RCAN2: variants seen among roughly 807,000 people sequenced by gnomAD.
RCAN2 encodes regulator of calcineurin 2.
RCAN2 carries 9 observed loss-of-function variants against 23.6 expected under a neutral mutation model. The observed-to-expected ratio is 0.38, with a 90% confidence interval of 0.23 to 0.67. The LOEUF is 0.67. Among genes scored for constraint, RCAN2 ranks in the 30% least tolerant of loss-of-function variants. The pLI is 0.51. For synonymous variants in RCAN2, 109 were observed against 115.7 expected (o/e 0.94, Z 0.37); for missense variants, 273 against 302.3 (o/e 0.90, Z 0.72).
intron 2 of RCAN2, among the ~76,000 whole-genome samples, chr6:46,408,687 T>C (rs1443505066): frequency 6.6e-6 from 1 of 152,122 alleles, no homozygotes; most frequent in African/African-American, 2.4e-5. Flanking sequence ...TCTATCTGAC[T>C]GAGTTATCCA....
intron 2 of RCAN2, among the ~76,000 whole-genome samples, chr6:46,317,270 T>G (rs112668562): frequency 3.9e-5 from 6 of 152,312 alleles, no homozygotes; most frequent in African/African-American, 1.2e-4. Flanking sequence ...TGCCTTCAAT[T>G]GCCACATTAG....
At chr6:46,382,431 A>G (rs901040971) in intron 2 of RCAN2, among the ~76,000 whole-genome samples, 5 of 152,194 alleles carry the variant, frequency 3.3e-5, no homozygotes, top group African/African-American at 7.2e-5. Context: ...CTGGGACAAA[A>G]ATATTCCTCT....
intron 2 of RCAN2, among the ~76,000 whole-genome samples, chr6:46,300,309 A>C (rs1465053468): frequency 6.6e-6 from 1 of 152,018 alleles, no homozygotes; most frequent in Non-Finnish European, 1.5e-5. Flanking sequence ...CATGCCCTCT[A>C]CAAGAAAATT....
chr6:46,279,143 C>T (rs1259398311), intron 2 of RCAN2, among the ~76,000 whole-genome samples: 1 of 152,170 alleles, frequency 6.6e-6, no homozygotes, highest in Non-Finnish European at 1.5e-5. Flanking sequence ...AGTTTGAAGA[C>T]CTTCCCATTC....
At chr6:46,336,552 A>T (rs1486622973) in intron 2 of RCAN2, among the ~76,000 whole-genome samples, 1 of 152,234 alleles carries the variant, frequency 6.6e-6, no homozygotes, top group Non-Finnish European at 1.5e-5. Context: ...AGACCAGTGA[A>T]CAGCTTATTT....
intron 2 of RCAN2, among the ~76,000 whole-genome samples, chr6:46,419,899 C>A (rs1469605620): frequency 6.6e-6 from 1 of 152,136 alleles, no homozygotes. Flanking sequence ...AGATTATATT[C>A]TATGATTTCA....
intron 2 of RCAN2, among the ~76,000 whole-genome samples, chr6:46,402,486 C>A (rs1476035277): frequency 6.6e-6 from 1 of 152,158 alleles, no homozygotes; most frequent in East Asian, 1.9e-4. Flanking sequence ...CCAAAGCCAG[C>A]CATAAAACCT....
intron 2 of RCAN2, among the ~76,000 whole-genome samples, chr6:46,453,540 T>C (rs1301164000): frequency 2.6e-5 from 4 of 152,166 alleles, no homozygotes; most frequent in Non-Finnish European, 4.4e-5. Flanking sequence ...AGAATGTAAA[T>C]AGGACAGCAG....
At position 46,221,687 on chromosome 6, in the gene RCAN2, C is replaced by T; in HGVS notation, c.*1454G>A. On this transcript the variant is annotated 3_prime_UTR_variant, in exon 5 of 5. Transcript: ENST00000371374. ...ACCTTAGTCAAAAACCACAACAATC[C>T]CTCAATCTGTTTGCTGTGTTATTGT... 1.3e-5 allele frequency: 5 copies of T among 371,692 alleles called. No homozygotes were observed. Among genetic ancestry groups the T allele is most frequent in the Non-Finnish European group, 1.9e-5 (4 of 209,196 alleles). The allele number at this position is 371,692 out of a possible 1,614,324, so 23.0% of individuals were successfully genotyped here. A position where few individuals can be genotyped will look rare whatever the true frequency, so the allele number is the denominator to read the frequency against.
intron 2 of RCAN2, among the ~76,000 whole-genome samples, chr6:46,383,045 A>G (rs915097131): frequency 6.6e-5 from 10 of 152,200 alleles, no homozygotes; most frequent in African/African-American, 2.4e-4. Context: ...GGCGTCTAGT[A>G]GGAGAGACAA....
At chr6:46,404,052 T>C (rs1766331550) in intron 2 of RCAN2, among the ~76,000 whole-genome samples, 1 of 152,126 alleles carries the variant, frequency 6.6e-6, no homozygotes, top group Non-Finnish European at 1.5e-5. Flanking sequence ...TGAAATCCCG[T>C]CTCTACTAAA....
intron 2 of RCAN2, among the ~76,000 whole-genome samples, chr6:46,324,901 T>G (rs1259305499): frequency 1.3e-5 from 2 of 152,274 alleles, no homozygotes; most frequent in Non-Finnish European, 2.9e-5. Context: ...AGCTGGGGAC[T>G]GAAACTGCCA....
At chr6:46,423,795 C>T (rs1766957089) in intron 2 of RCAN2, among the ~76,000 whole-genome samples, 1 of 152,198 alleles carries the variant, frequency 6.6e-6, no homozygotes, top group Admixed American at 6.5e-5. Context: ...AAGGCATAAT[C>T]TGATGATGCA....
chr6:46,374,488 GTGATGCT>G, intron 2 of RCAN2, among the ~76,000 whole-genome samples: 1 of 152,186 alleles, frequency 6.6e-6, no homozygotes, highest in Non-Finnish European at 1.5e-5. Flanking sequence ...TATTGCCATT[GTGATGCT>G]TGATGCTTGA....
At chr6:46,491,075 T>A (rs1387838090) in intron 1 of RCAN2, 98 bp downstream of exon 1, 3 of 144,974 alleles carry the variant, frequency 2.1e-5, no homozygotes, top group African/African-American at 5.0e-5. Context: ...GGAGACCAGA[T>A]CCCCGCCGCG....
chr6:46,231,019 A>G (rs1156822512), intron 4 of RCAN2, among the ~76,000 whole-genome samples: 1 of 152,172 alleles, frequency 6.6e-6, no homozygotes, highest in Non-Finnish European at 1.5e-5. Flanking sequence ...AGAGTCAGCC[A>G]TTGTTATTGG....
chr6:46,269,084 G>T (rs1023943278), intron 2 of RCAN2, among the ~76,000 whole-genome samples: 1 of 152,114 alleles, frequency 6.6e-6, no homozygotes, highest in East Asian at 1.9e-4. Context: ...GGCTCTTATT[G>T]TGTCTTTGTT....
At chr6:46,325,393 C>T (rs1763760272) in intron 2 of RCAN2, 1 of 1,614,026 alleles carries the variant, frequency 6.2e-7, no homozygotes, top group Admixed American at 1.7e-5. Flanking sequence ...AGGTGCATAC[C>T]TTAACCTCCT....
intron 2 of RCAN2, among the ~76,000 whole-genome samples, chr6:46,432,408 T>G (rs1363635652): frequency 6.6e-6 from 1 of 152,088 alleles, no homozygotes; most frequent in Non-Finnish European, 1.5e-5. Context: ...AGATGGAGTT[T>G]CTCCATGTTG....
Sources: gnomAD v4.1 joint callset for allele counts (sites outside exome capture counted in the v4.1 genomes callset) on GRCh38, gnomAD v4.1.1 for gene constraint, MANE v1.5 for transcripts, NCBI Gene and HGNC (gene_info 2026-07-23, HGNC 2026-07-21) for gene names.